NFILZ: variants seen among roughly 807,000 people sequenced by gnomAD.
NFILZ encodes NFIL3 like basic leucine zipper, also known as NFIL3 like protein.
intron 3 of NFILZ, among the ~76,000 whole-genome samples, chr19:8,650,252 T>C (rs1160679761): frequency 7.2e-5 from 11 of 152,094 alleles, no homozygotes; most frequent in African/African-American, 2.7e-4. Context: ...CACAGAGCTC[T>C]CATGTCCCCT....
chr19:8,636,353 C>G (rs2042894437), intron 3 of NFILZ, among the ~76,000 whole-genome samples: 1 of 150,284 alleles, frequency 6.7e-6, no homozygotes, highest in Non-Finnish European at 1.5e-5. Flanking sequence ...GAGGCTGAGG[C>G]AGGAGAAATG....
At chr19:8,672,546 A>T (rs2043092876) in intron 3 of NFILZ, among the ~76,000 whole-genome samples, 1 of 152,292 alleles carries the variant, frequency 6.6e-6, no homozygotes, top group Non-Finnish European at 1.5e-5. Context: ...TCATTAAAAA[A>T]TTCATGTGTT....
intron 3 of NFILZ, among the ~76,000 whole-genome samples, chr19:8,658,880 G>T (rs537834989): frequency 2.3e-3 from 355 of 152,136 alleles, no homozygotes; most frequent in African/African-American, 8.3e-3. Context: ...AGCCCAGGAG[G>T]TCGAGGCTGC....
At chr19:8,637,326 T>C (rs769279118) in intron 3 of NFILZ, among the ~76,000 whole-genome samples, 2 of 150,162 alleles carry the variant, frequency 1.3e-5, no homozygotes, top group South Asian at 2.1e-4. Flanking sequence ...GCCTGGGCAA[T>C]AGAAAAAAAA....
intron 3 of NFILZ, among the ~76,000 whole-genome samples, chr19:8,652,783 TTTTC>T (rs1288183562): frequency 1.5e-4 from 23 of 151,770 alleles, no homozygotes; most frequent in East Asian, 3.9e-4. Context: ...CCTTTCTTTC[TTTTC>T]TTTCTTTCTT....
At chr19:8,665,437 A>G (rs2043057639) in intron 3 of NFILZ, among the ~76,000 whole-genome samples, 1 of 152,200 alleles carries the variant, frequency 6.6e-6, no homozygotes. Flanking sequence ...TGGAGCAGTG[A>G]CCCAGGTAGC....
intron 3 of NFILZ, among the ~76,000 whole-genome samples, chr19:8,674,199 T>C (rs1184918969): frequency 3.3e-5 from 5 of 152,200 alleles, no homozygotes; most frequent in Non-Finnish European, 7.3e-5. Context: ...CCTGAGCACA[T>C]GAGCAGATCA....
intron 3 of NFILZ, among the ~76,000 whole-genome samples, chr19:8,654,819 A>C (rs1461190997): frequency 2.6e-5 from 4 of 152,120 alleles, no homozygotes; most frequent in Non-Finnish European, 5.9e-5. Flanking sequence ...GTCGCACCTC[A>C]GGACGTCTCC....
intron 3 of NFILZ, among the ~76,000 whole-genome samples, chr19:8,654,037 C>A (rs184723515): frequency 6.6e-6 from 1 of 152,020 alleles, no homozygotes; most frequent in East Asian, 1.9e-4. Context: ...GAGAACCAGC[C>A]TGGCCAGCAT....
intron 4 of NFILZ, among the ~76,000 whole-genome samples, chr19:8,675,043 C>A (rs2043104712): frequency 6.6e-6 from 1 of 152,100 alleles, no homozygotes; most frequent in South Asian, 2.1e-4. Context: ...TTCATGTGTT[C>A]ATTCATTAAG....
chr19:8,674,292 A>G lies in NFILZ; in HGVS notation c.-163-259A>G, dbSNP rs986988627. ...TGCTGCTGACTTACTGTGTGATGTG[A>G]GCAGATGAAAGACCTTCTCTAGACA... On this transcript the variant is annotated intron_variant, in intron 3 of 5. Transcript: ENST00000691075. 2.0e-5 allele frequency among the ~76,000 whole-genome samples: 3 copies of G among 152,180 alleles called. No homozygotes were observed. The East Asian group carries it at 5.8e-4, about 29-fold the overall frequency.
intron 3 of NFILZ, among the ~76,000 whole-genome samples, chr19:8,669,675 A>T (rs2043078364): frequency 6.6e-6 from 1 of 152,186 alleles, no homozygotes. Flanking sequence ...AACCTGGTGC[A>T]TTAGGAAGGG....
At chr19:8,660,376 G>A (rs781924995) in intron 3 of NFILZ, among the ~76,000 whole-genome samples, 3 of 151,938 alleles carry the variant, frequency 2.0e-5, no homozygotes, top group South Asian at 4.2e-4. Context: ...CCCTGTTCTC[G>A]GGGGCTGGTG....
intron 3 of NFILZ, among the ~76,000 whole-genome samples, chr19:8,654,456 A>G (rs1181297272): frequency 2.0e-5 from 3 of 151,680 alleles, no homozygotes; most frequent in Admixed American, 2.0e-4. Flanking sequence ...CATCTCTACA[A>G]ACCAGAAAAT....
intron 3 of NFILZ, among the ~76,000 whole-genome samples, chr19:8,663,776 A>ATGTGTGTGTGTGTG (rs2043048762): frequency 1.1e-4 from 3 of 27,392 alleles, no homozygotes; most frequent in African/African-American, 2.5e-4. Context: ...GTGTGTATGT[A>ATGTGTGTGTGTGTG]TGTGTGTTTG....
chr19:8,671,452 C>G (rs782129356), intron 3 of NFILZ, among the ~76,000 whole-genome samples: 24 of 152,064 alleles, frequency 1.6e-4, no homozygotes, highest in Non-Finnish European at 3.2e-4. Flanking sequence ...GGGAAGGACT[C>G]AGACCACAGT....
At chr19:8,639,188 G>A (rs2146137745) in intron 3 of NFILZ, among the ~76,000 whole-genome samples, 1 of 152,214 alleles carries the variant, frequency 6.6e-6, no homozygotes, top group South Asian at 2.1e-4. Flanking sequence ...TGTGGTTGGA[G>A]CAGAGTGATA....
intron 3 of NFILZ, among the ~76,000 whole-genome samples, chr19:8,651,167 G>A (rs1568420010): frequency 6.6e-6 from 1 of 151,906 alleles, no homozygotes. Context: ...TATATAATAA[G>A]CTTTTTTTTT....
chr19:8,651,027 A>G (rs1555747662), intron 3 of NFILZ, among the ~76,000 whole-genome samples: 1 of 152,182 alleles, frequency 6.6e-6, no homozygotes, highest in Non-Finnish European at 1.5e-5. Context: ...ATATTTATGG[A>G]GTATATGTGA....
Sources: gnomAD v4.1 joint callset for allele counts (sites outside exome capture counted in the v4.1 genomes callset) on GRCh38, gnomAD v4.1.1 for gene constraint, MANE v1.5 for transcripts, NCBI Gene and HGNC (gene_info 2026-07-23, HGNC 2026-07-21) for gene names.